Variants in GLIPR2 observed in about 807,000 individuals in gnomAD.
GLIPR2 encodes the protein GLI pathogenesis related 2, also known as Golgi-associated plant pathogenesis-related protein 1.
Under a neutral mutation model 20.4 loss-of-function variants are expected in GLIPR2, and 21 were observed. That is an observed-to-expected ratio of 1.03 (90% CI 0.73 to 1.48). The LOEUF is 1.48. Ranked by LOEUF, GLIPR2 falls within the 40% of genes most tolerant of loss-of-function variation. The pLI is 0.00. For missense variants in GLIPR2, 205 were observed against 200.1 expected (o/e 1.02, Z -0.15); for synonymous variants, 91 against 80.5 (o/e 1.13, Z -0.70).
intron 1 of GLIPR2, among the ~76,000 whole-genome samples, chr9:36,138,711 A>G (rs1426509377): frequency 1.3e-5 from 2 of 152,168 alleles, no homozygotes; most frequent in South Asian, 2.1e-4. Flanking sequence ...AAAGGAATAC[A>G]TAAAGCTATG....
rs551436024 is a variant in GLIPR2, at chr9:36,154,097, C to A, written c.304+3148C>A. Among the ~76,000 whole-genome samples, 1,054 of 112,150 alleles carry A rather than the reference C, an allele frequency of 9.4e-3. 18 individuals carry two copies. Among genetic ancestry groups the A allele is most frequent in the African/African-American group, 0.032 (1,013 of 31,302 alleles). The allele number at this position is 112,150 out of a possible 152,430, so 73.6% of individuals were successfully genotyped here. On this transcript the variant is annotated intron_variant, in intron 4 of 4. Transcript: ENST00000377960. ...TATATTATATATTATATATATATAT[C>A]TTTTCCCCCCCCCTTTGAGACCGAG...
intron 1 of GLIPR2, chr9:36,144,988 A>G (rs991478619): frequency 6.6e-6 from 1 of 152,180 alleles, no homozygotes; most frequent in Non-Finnish European, 1.5e-5. Flanking sequence ...CTGTTGCATC[A>G]TCTCCTCAGT....
At chr9:36,138,658 A>C (rs764705015) in intron 1 of GLIPR2, among the ~76,000 whole-genome samples, 1 of 152,196 alleles carries the variant, frequency 6.6e-6, no homozygotes, top group Non-Finnish European at 1.5e-5. Flanking sequence ...CTCTGTATCA[A>C]GCTGTGGACC....
rs529928026 is a variant in GLIPR2 at position 36,154,132 on chromosome 9, G to A, written c.304+3183G>A. Reference sequence around the variant, plus strand: ...CCCCTTTGAGACCGAGTCTCACTCCGTTGCCCCGGCTGAGTGCAGTGGCAC... The same window carrying A: ...CCCCTTTGAGACCGAGTCTCACTCCATTGCCCCGGCTGAGTGCAGTGGCAC... On this transcript the variant is annotated intron_variant, in intron 4 of 4. Transcript: ENST00000377960. 1.4e-4 allele frequency among the ~76,000 whole-genome samples: 20 copies of A among 140,410 alleles called. No homozygotes were observed. In the South Asian group the frequency reaches 2.5e-3, roughly 18 times the overall value. 92.1% of individuals were successfully genotyped at this position (140,410 alleles called of 152,430 possible).
At chr9:36,145,397 T>C (rs972071582) in intron 1 of GLIPR2, among the ~76,000 whole-genome samples, 3 of 152,248 alleles carry the variant, frequency 2.0e-5, no homozygotes, top group African/African-American at 7.2e-5. Context: ...ACCTATCACA[T>C]GGCTAGTGTC....
At chr9:36,138,441 T>C (rs1030202309) in intron 1 of GLIPR2, among the ~76,000 whole-genome samples, 3 of 152,168 alleles carry the variant, frequency 2.0e-5, no homozygotes, top group African/African-American at 7.2e-5. Context: ...GTCAGGCTGG[T>C]CTTGAACTCC....
intron 1 of GLIPR2, among the ~76,000 whole-genome samples, 160 bp from the exon 2 acceptor site, chr9:36,147,626 G>A (rs1825387370): frequency 6.6e-6 from 1 of 152,252 alleles, no homozygotes; most frequent in Non-Finnish European, 1.5e-5. Context: ...GCAGTGGCGT[G>A]GAGCAGGGCC....
intron 4 of GLIPR2, among the ~76,000 whole-genome samples, chr9:36,153,236 G>C (rs1825680706): frequency 2.0e-5 from 3 of 152,034 alleles, no homozygotes; most frequent in Admixed American, 1.3e-4. Flanking sequence ...TCCCTGATCT[G>C]ATGCTTTTTC....
At chr9:36,151,476 T>C (rs1255935459) in intron 4 of GLIPR2, among the ~76,000 whole-genome samples, 2 of 151,944 alleles carry the variant, frequency 1.3e-5, no homozygotes, top group Non-Finnish European at 2.9e-5. Flanking sequence ...CTCCCTGGCT[T>C]TCTCCCTTCC....
intron 1 of GLIPR2, among the ~76,000 whole-genome samples, chr9:36,142,119 G>A (rs559759475): frequency 6.6e-6 from 1 of 152,268 alleles, no homozygotes; most frequent in Non-Finnish European, 1.5e-5. Flanking sequence ...TTGGCACAGA[G>A]GAGGCTCTTG....
At chr9:36,138,750 G>C (rs560562759) in intron 1 of GLIPR2, among the ~76,000 whole-genome samples, 1 of 152,176 alleles carries the variant, frequency 6.6e-6, no homozygotes, top group Non-Finnish European at 1.5e-5. Flanking sequence ...TATCTGGCTC[G>C]AGTAAGAGGT....
intron 1 of GLIPR2, among the ~76,000 whole-genome samples, chr9:36,139,163 G>A (rs1186021546): frequency 6.6e-6 from 1 of 152,124 alleles, no homozygotes; most frequent in Non-Finnish European, 1.5e-5. Flanking sequence ...AGGGTCAGAG[G>A]CCTGCACGAT....
chr9:36,139,598 C>T (rs1337953263), intron 1 of GLIPR2, among the ~76,000 whole-genome samples: 2 of 152,174 alleles, frequency 1.3e-5, no homozygotes, highest in African/African-American at 4.8e-5. Flanking sequence ...GCTCTGTGTG[C>T]TTCTGTAAAG....
chr9:36,161,437 G>GA (rs902083270), intron 4 of GLIPR2, among the ~76,000 whole-genome samples: 2 of 151,382 alleles, frequency 1.3e-5, no homozygotes, highest in African/African-American at 4.9e-5. Flanking sequence ...ACAGAGCAGT[G>GA]ATTTGAGCTG....
intron 1 of GLIPR2, among the ~76,000 whole-genome samples, chr9:36,138,934 C>G (rs777874034): frequency 5.9e-5 from 9 of 152,090 alleles, no homozygotes; most frequent in Non-Finnish European, 1.3e-4. Flanking sequence ...TGGAAAGGCA[C>G]TGATCTGAAA....
At chr9:36,151,456 C>T (rs1825582261) in intron 4 of GLIPR2, among the ~76,000 whole-genome samples, 2 of 150,010 alleles carry the variant, frequency 1.3e-5, no homozygotes, top group Non-Finnish European at 2.9e-5. Flanking sequence ...CCCTTCCCCA[C>T]CCTTGCGGCC....
rs1487673626 is a variant in GLIPR2 at position 36,162,231 on chromosome 9, G to A, written c.305-131G>A. ...GTGTTTTCTCTCTCCTTCCCCTGCA[G>A]GGGGTCTGTGAAGACCATGCTGACC... On this transcript the variant is annotated intron_variant, in intron 4 of 4. Transcript: ENST00000377960. 3 of 1,584,158 alleles carry A rather than the reference G, an allele frequency of 1.9e-6. No individual in the cohort carries two copies. The Admixed American group carries it at 5.4e-5, about 29-fold the overall frequency.
At chr9:36,144,359 T>C (rs1013349881) in intron 1 of GLIPR2, 5 of 152,268 alleles carry the variant, frequency 3.3e-5, no homozygotes, top group African/African-American at 1.2e-4. Context: ...TAGTGTTAAG[T>C]ATATTTACAT....
chr9:36,159,247 G>T (rs779007039), intron 4 of GLIPR2, among the ~76,000 whole-genome samples: 22 of 152,192 alleles, frequency 1.4e-4, no homozygotes, highest in Admixed American at 6.6e-4. Flanking sequence ...AGACCTAGTG[G>T]TGTCTGGAGG....
Sources: gnomAD v4.1 joint callset for allele counts (sites outside exome capture counted in the v4.1 genomes callset) on GRCh38, gnomAD v4.1.1 for gene constraint, MANE v1.5 for transcripts, NCBI Gene and HGNC (gene_info 2026-07-23, HGNC 2026-07-21) for gene names.